The following TLN2 variants were observed in gnomAD, a reference collection of about 807,000 sequenced individuals.
TLN2 encodes talin-2.
In TLN2, 118 loss-of-function variants were observed where a neutral mutation model predicts 294.7. The ratio of observed to expected loss-of-function variants is 0.40; its 90% CI spans 0.34 to 0.47. The LOEUF is 0.47. Ranked by LOEUF, TLN2 falls within the 20% of genes least tolerant of loss-of-function variation. The pLI is 0.84. For missense variants in TLN2, 3,083 were observed against 3,282.2 expected, an observed-to-expected ratio of 0.94 and a Z score of 1.48; for synonymous variants, 1,431 against 1,304.5, an observed-to-expected ratio of 1.10 and a Z score of -2.09.
At chr15:62,596,264 C>CAAAAAAAAAAAAAAA (rs71129015) in intron 2 of TLN2, among the ~76,000 whole-genome samples, 1 of 81,680 alleles carries the variant, frequency 1.2e-5, no homozygotes, top group Non-Finnish European at 2.4e-5. Context: ...GACTCCATCT[C>CAAAAAAAAAAAAAAA]AAAAAAAAAA....
intron 1 of TLN2, among the ~76,000 whole-genome samples, chr15:62,417,304 T>G (rs2034138484): frequency 6.6e-6 from 1 of 152,204 alleles, no homozygotes; most frequent in Non-Finnish European, 1.5e-5. Flanking sequence ...TGCTCTCCAG[T>G]CAGAATCAGG....
intron 9 of TLN2, among the ~76,000 whole-genome samples, chr15:62,665,812 T>C (rs1318542730): frequency 6.6e-6 from 1 of 152,220 alleles, no homozygotes; most frequent in Non-Finnish European, 1.5e-5. Context: ...TTGGAGTTGG[T>C]CATCTGTGTG....
chr15:62,834,433 G>A (rs1343858300), intron 55 of TLN2: 1 of 152,158 alleles, frequency 6.6e-6, no homozygotes, highest in Non-Finnish European at 1.5e-5. Flanking sequence ...TGCTGTCAGT[G>A]TACAGATAGG....
At chr15:62,807,802 C>T (rs2066398125) in intron 51 of TLN2, among the ~76,000 whole-genome samples, 1 of 152,202 alleles carries the variant, frequency 6.6e-6, no homozygotes, top group African/African-American at 2.4e-5. Context: ...GTCAGCTTCA[C>T]ACACCAAAAT....
In TLN2 at chr15:62,551,513, T is replaced by TACACACACACAC. The variant is rs56986714; in HGVS notation, c.-237-38150_-237-38139dup. 4.3e-4 allele frequency among the ~76,000 whole-genome samples: 63 copies of TACACACACACAC among 147,088 alleles called. 1 individual carries two copies. The highest frequency in any genetic ancestry group is 1.6e-3 in the African/African-American group (63 of 39,788). On this transcript the variant is annotated intron_variant, in intron 1 of 58. Transcript: ENST00000636159. ...AGTGAAAGCCAATCTCTACTAAAAA[T>TACACACACACAC]ACACACACACACACACACACACACA...
intron 1 of TLN2, among the ~76,000 whole-genome samples, chr15:62,465,113 T>G (rs1315771651): frequency 7.0e-6 from 1 of 143,060 alleles, no homozygotes; most frequent in Non-Finnish European, 1.6e-5. Flanking sequence ...CGTTTTTTTT[T>G]TTTTTTTTTT....
chr15:62,651,912 T>A, intron 5 of TLN2, 93 bp from the exon 6 acceptor site: 1 of 1,396,366 alleles, frequency 7.2e-7, no homozygotes, highest in Non-Finnish European at 9.5e-7. Flanking sequence ...TCTACTCTGA[T>A]TTTTTTAAAA....
chr15:62,660,965 A>G (rs1052333191), intron 9 of TLN2, among the ~76,000 whole-genome samples: 3 of 152,184 alleles, frequency 2.0e-5, no homozygotes, highest in African/African-American at 7.2e-5. Context: ...TAGACTATGG[A>G]GACTACTATG....
intron 32 of TLN2, among the ~76,000 whole-genome samples, chr15:62,747,619 T>C (rs936664584): frequency 6.6e-6 from 1 of 152,192 alleles, no homozygotes; most frequent in African/African-American, 2.4e-5. Context: ...GTGAATTCTT[T>C]CTTATGAATG....
At chr15:62,621,512 G>T (rs1380127555) in intron 3 of TLN2, among the ~76,000 whole-genome samples, 1 of 152,184 alleles carries the variant, frequency 6.6e-6, no homozygotes, top group Non-Finnish European at 1.5e-5. Context: ...TGTGCCCCCA[G>T]CCCTGTATTC....
chr15:62,688,558 A>G lies in TLN2; in HGVS notation c.1113+1762A>G, dbSNP rs2057493712. Among the ~76,000 whole-genome samples the G allele has an allele frequency of 3.3e-5, 5 of 152,138 alleles. 1 individual carries two copies. Among genetic ancestry groups the G allele is most frequent in the Non-Finnish European group, 7.4e-5 (5 of 67,982 alleles). ...TGGTGTTCCAGTCTTTTGAATGAATATCTTTGTTAATTTTCTGCCTGGCAG... is the reference window on the plus strand; with the variant it reads ...TGGTGTTCCAGTCTTTTGAATGAATGTCTTTGTTAATTTTCTGCCTGGCAG... On this transcript the variant is annotated intron_variant, in intron 12 of 58. Coordinates refer to ENST00000636159, the MANE Select transcript of TLN2 (RefSeq NM_015059.3).
intron 1 of TLN2, among the ~76,000 whole-genome samples, chr15:62,487,135 C>T (rs947093448): frequency 6.6e-6 from 1 of 152,200 alleles, no homozygotes; most frequent in South Asian, 2.1e-4. Context: ...TTTGACAGTT[C>T]TGTCAATGCT....
chr15:62,584,051 T>C (rs973355496), intron 1 of TLN2, among the ~76,000 whole-genome samples: 4 of 152,222 alleles, frequency 2.6e-5, no homozygotes, highest in African/African-American at 7.2e-5. Context: ...GAATTGTGCT[T>C]CATCATTTAA....
intron 1 of TLN2, among the ~76,000 whole-genome samples, chr15:62,399,251 T>TCAAA (rs2032810073): frequency 6.0e-4 from 5 of 8,376 alleles, no homozygotes; most frequent in Non-Finnish European, 1.7e-3. Context: ...AGACTCCGTC[T>TCAAA]CAAACAAAAA....
intron 1 of TLN2, among the ~76,000 whole-genome samples, chr15:62,588,672 A>T (rs1232685120): frequency 5.4e-5 from 3 of 55,250 alleles, no homozygotes; most frequent in African/African-American, 2.5e-4. Flanking sequence ...TTTCATATAT[A>T]TATATATATA....
chr15:62,595,161 G>T (rs913671535), intron 2 of TLN2, among the ~76,000 whole-genome samples: 1 of 152,274 alleles, frequency 6.6e-6, no homozygotes, highest in East Asian at 1.9e-4. Flanking sequence ...GGTGGCTCAC[G>T]CCTGTATCCC....
At chr15:62,508,327 C>T (rs2039741756) in intron 1 of TLN2, among the ~76,000 whole-genome samples, 1 of 152,140 alleles carries the variant, frequency 6.6e-6, no homozygotes, top group Admixed American at 6.5e-5. Context: ...AGCGATTCTC[C>T]TGCCTCAGCC....
chr15:62,450,529 G>A (rs1425860336), intron 1 of TLN2, among the ~76,000 whole-genome samples: 1 of 54,706 alleles, frequency 1.8e-5, no homozygotes, highest in Non-Finnish European at 3.9e-5. Flanking sequence ...ATGTATGTAT[G>A]TATGTATGTA....
In TLN2 at chr15:62,414,164, C is replaced by CAATATATATATATATATATATATA. The variant is rs1273620699; in HGVS notation, c.-238+23479_-238+23480insAATATATATATATATATATATATA. On this transcript the variant is annotated intron_variant, in intron 1 of 58. Transcript: ENST00000636159. ...AGTGAAGTGTTAGCAAAAAAAAAAACTATATATATATATATATATATATAT... is the reference window on the plus strand; with the variant it reads ...AGTGAAGTGTTAGCAAAAAAAAAAACAATATATATATATATATATATATATATATATATATATATATATATATAT... Among the ~76,000 whole-genome samples, 294 of 90,584 alleles carry CAATATATATATATATATATATATA rather than the reference C, an allele frequency of 3.2e-3. 21 individuals are homozygous for CAATATATATATATATATATATATA. The highest frequency in any genetic ancestry group is 6.5e-3 in the East Asian group (6 of 920). The allele number at this position is 90,584 out of a possible 152,430, so 59.4% of individuals were successfully genotyped here.
Sources: gnomAD v4.1 joint callset for allele counts (sites outside exome capture counted in the v4.1 genomes callset) on GRCh38, gnomAD v4.1.1 for gene constraint, MANE v1.5 for transcripts, NCBI Gene and HGNC (gene_info 2026-07-23, HGNC 2026-07-21) for gene names.